The following ATXN7 variants were observed in gnomAD, a reference collection of about 807,000 sequenced individuals.
ATXN7 encodes the protein ataxin-7.
ATXN7 carries 12 observed loss-of-function variants against 70.5 expected under a neutral mutation model. That is an observed-to-expected ratio of 0.17 (90% confidence interval 0.11 to 0.28). ATXN7 has a LOEUF of 0.28. ATXN7 is among the 10% of genes least tolerant of loss of function. The pLI, the probability that ATXN7 is intolerant of heterozygous loss-of-function variation, is 1.00. For synonymous variants in ATXN7, 498 were observed against 448.7 expected (o/e 1.11, Z -1.39); for missense variants, 1,256 against 1,131.7 (o/e 1.11, Z -1.58).
At position 64,002,907 on chromosome 3, in the gene ATXN7, C is replaced by CA. The variant is rs1392352879; in HGVS notation, c.*3445dup. 2.0e-5 allele frequency: 3 copies of CA among 151,386 alleles called. No homozygotes were observed. Among genetic ancestry groups the CA allele is most frequent in the African/African-American group, 7.3e-5 (3 of 41,146 alleles). 9.4% of individuals were successfully genotyped at this position (151,386 alleles called of 1,614,324 possible). A position where few individuals can be genotyped will look rare whatever the true frequency, so the allele number is the denominator to read the frequency against. ...AAAATATTTAAAATATTTTGTATTC[C>CA]AAAAATATAATACAAAGAAGTACCT... On this transcript the variant is annotated 3_prime_UTR_variant, in exon 13 of 13. Transcript: ENST00000674280.
intron 4 of ATXN7, among the ~76,000 whole-genome samples, chr3:63,932,669 G>A (rs540998074): frequency 6.6e-6 from 1 of 152,302 alleles, no homozygotes; most frequent in East Asian, 1.9e-4. Flanking sequence ...TGCTGTCCCT[G>A]TGTAGGTACA....
intron 4 of ATXN7, among the ~76,000 whole-genome samples, chr3:63,916,284 G>T (rs1452066574): frequency 1.3e-5 from 2 of 152,082 alleles, no homozygotes; most frequent in Admixed American, 6.5e-5. Context: ...TATATTTCTA[G>T]GTACAGGGTT....
chr3:63,865,687 C>T (rs558883689), intron 1 of ATXN7, among the ~76,000 whole-genome samples: 1 of 151,406 alleles, frequency 6.6e-6, no homozygotes, highest in African/African-American at 2.4e-5. Context: ...GTCAAGAGAT[C>T]GAGACCATCC....
intron 5 of ATXN7, among the ~76,000 whole-genome samples, chr3:63,975,488 A>T (rs941567362): frequency 6.6e-6 from 1 of 152,212 alleles, no homozygotes; most frequent in Admixed American, 6.5e-5. Flanking sequence ...TCGAGTATGA[A>T]TGTTAGCATT....
At chr3:63,988,431 T>C in intron 9 of ATXN7, 107 bp downstream of exon 9, 1 of 1,420,346 alleles carries the variant, frequency 7.0e-7, no homozygotes, top group Non-Finnish European at 9.6e-7. Context: ...TCAGGCTCAC[T>C]GTGGAGATAG....
At chr3:63,890,552 T>C (rs1286348923) in intron 1 of ATXN7, among the ~76,000 whole-genome samples, 1 of 152,252 alleles carries the variant, frequency 6.6e-6, no homozygotes, top group Non-Finnish European at 1.5e-5. Context: ...TACTGATCTC[T>C]GACCCTTGAT....
At position 63,938,588 on chromosome 3, in the gene ATXN7, A is replaced by G. The variant is rs529037570; in HGVS notation, c.395-13791A>G. Among the ~76,000 whole-genome samples the G allele has an allele frequency of 9.2e-5, 14 of 152,326 alleles. 1 individual carries two copies. The South Asian group carries it at 1.9e-3, about 20-fold the overall frequency. ...ATGCATTCAAAGCTAAAAAGGTACA[A>G]TGTTGAGAGAAGTTGGCATTAAAAC... On this transcript the variant is annotated intron_variant, in intron 4 of 12. Coordinates refer to ENST00000674280, the MANE Select transcript of ATXN7 (RefSeq NM_001377405.1).
chr3:63,972,356 G>A (rs1165136913), intron 5 of ATXN7, among the ~76,000 whole-genome samples: 1 of 152,164 alleles, frequency 6.6e-6, no homozygotes, highest in African/African-American at 2.4e-5. Context: ...GGATGTTTGT[G>A]GAATGGAGCT....
At chr3:63,985,719 A>C (rs948857419) in intron 8 of ATXN7, among the ~76,000 whole-genome samples, 3 of 152,122 alleles carry the variant, frequency 2.0e-5, no homozygotes, top group African/African-American at 7.2e-5. Flanking sequence ...TCATCTGTCT[A>C]ATATCCCGTC....
chr3:63,969,309 T>A (rs777570346), intron 5 of ATXN7, among the ~76,000 whole-genome samples: 15 of 152,114 alleles, frequency 9.9e-5, no homozygotes, highest in Non-Finnish European at 1.9e-4. Context: ...ATAAAAAGGA[T>A]ATAAAACCAG....
chr3:63,900,300 CA>C (rs1191202131), intron 2 of ATXN7, among the ~76,000 whole-genome samples: 1 of 152,086 alleles, frequency 6.6e-6, no homozygotes, highest in East Asian at 1.9e-4. Flanking sequence ...GCAACTGTAG[CA>C]AAAATGGTAG....
intron 2 of ATXN7, among the ~76,000 whole-genome samples, chr3:63,908,621 T>C (rs1703916820): frequency 6.6e-6 from 1 of 152,204 alleles, no homozygotes; most frequent in South Asian, 2.1e-4. Context: ...GGACTGGTGG[T>C]TTTTTCCAAT....
intron 1 of ATXN7, among the ~76,000 whole-genome samples, chr3:63,881,021 T>C (rs1702891443): frequency 6.6e-6 from 1 of 152,054 alleles, no homozygotes; most frequent in South Asian, 2.1e-4. Context: ...CTTCTTGGAG[T>C]CGCAATTTGT....
At chr3:63,924,994 A>G (rs1330911378) in intron 4 of ATXN7, among the ~76,000 whole-genome samples, 1 of 152,228 alleles carries the variant, frequency 6.6e-6, no homozygotes, top group Non-Finnish European at 1.5e-5. Flanking sequence ...AATCACAAGT[A>G]TAGTACCTTG....
intron 5 of ATXN7, among the ~76,000 whole-genome samples, chr3:63,975,002 C>T (rs1185954690): frequency 6.6e-6 from 1 of 152,178 alleles, no homozygotes; most frequent in African/African-American, 2.4e-5. Flanking sequence ...CATTTTGAAT[C>T]TTCCCACATG....
intron 1 of ATXN7, among the ~76,000 whole-genome samples, chr3:63,877,902 G>A (rs1166272007): frequency 6.6e-6 from 1 of 152,214 alleles, no homozygotes; most frequent in Non-Finnish European, 1.5e-5. Context: ...GCTCAAAGCA[G>A]ATTATGGTAT....
intron 2 of ATXN7, chr3:63,905,919 G>C (rs1703823024): frequency 6.6e-6 from 1 of 152,192 alleles, no homozygotes; most frequent in Non-Finnish European, 1.5e-5. Flanking sequence ...TTTAAAATCA[G>C]AATGGCCATA....
At chr3:63,892,495 CCACACACACACACACA>C (rs376915162) in intron 1 of ATXN7, among the ~76,000 whole-genome samples, 1 of 126,852 alleles carries the variant, frequency 7.9e-6, no homozygotes, top group Non-Finnish European at 1.7e-5. Flanking sequence ...ACACACACAC[CCACACACACACACACA>C]CACCCCAACT....
At chr3:63,968,691 T>C (rs546596591) in intron 5 of ATXN7, among the ~76,000 whole-genome samples, 1 of 152,148 alleles carries the variant, frequency 6.6e-6, no homozygotes, top group South Asian at 2.1e-4. Flanking sequence ...TGATTTTTTT[T>C]AGTTGTGTTA....
Sources: allele counts gnomAD v4.1 joint callset (sites outside exome capture counted in the v4.1 genomes callset), GRCh38; gene constraint gnomAD v4.1.1; transcripts MANE v1.5; gene names NCBI Gene and HGNC (gene_info 2026-07-23, HGNC 2026-07-21).